NCAPD3: variants seen among roughly 807,000 people sequenced by gnomAD.
NCAPD3 encodes condensin-2 complex subunit D3.
Under a neutral mutation model 182.9 loss-of-function variants are expected in NCAPD3, and 105 were observed. The observed-to-expected ratio is 0.57, with a 90% CI of 0.49 to 0.68. The LOEUF is 0.68. Ranked by LOEUF, NCAPD3 falls within the 30% of genes least tolerant of loss-of-function variation. The probability of loss-of-function intolerance (pLI) is 0.00; values close to 1 mark genes in which losing one functional copy is unlikely to be tolerated. For missense variants in NCAPD3, 1,944 were observed against 1,837.0 expected (o/e 1.06, Z -1.07); for synonymous variants, 815 against 679.9 (o/e 1.20, Z -3.09).
chr11:134,211,890 G>A (rs1937846763), intron 3 of NCAPD3, among the ~76,000 whole-genome samples: 1 of 152,074 alleles, frequency 6.6e-6, no homozygotes, highest in African/African-American at 2.4e-5. Flanking sequence ...GTCTAACACA[G>A]GAGTGACTGA....
At chr11:134,159,638 A>G (rs749225711) in intron 29 of NCAPD3, among the ~76,000 whole-genome samples, 46 of 152,164 alleles carry the variant, frequency 3.0e-4, no homozygotes, top group Admixed American at 1.8e-3. Flanking sequence ...CAGACCTAGG[A>G]TCTATAGTCA....
At chr11:134,153,227 C>G (rs780668674) in intron 33 of NCAPD3, 27 bp from the exon 34 acceptor site, 1 of 1,613,990 alleles carries the variant, frequency 6.2e-7, no homozygotes, top group South Asian at 1.1e-5. Flanking sequence ...CAAACACATT[C>G]AGCTTTCCCA....
At chr11:134,165,116 C>G (rs1486552623) in intron 27 of NCAPD3, among the ~76,000 whole-genome samples, 2 of 151,220 alleles carry the variant, frequency 1.3e-5, no homozygotes, top group Non-Finnish European at 2.9e-5. Flanking sequence ...TGCACACTCA[C>G]TTGTGAGATG....
intron 24 of NCAPD3, among the ~76,000 whole-genome samples, chr11:134,170,506 G>A (rs1314909826): frequency 1.3e-5 from 2 of 152,208 alleles, no homozygotes; most frequent in East Asian, 3.8e-4. Flanking sequence ...AATCTACTAT[G>A]GCATGGCAGT....
intron 31 of NCAPD3, 107 bp downstream of exon 31, chr11:134,157,821 T>A: frequency 8.0e-7 from 1 of 1,251,266 alleles, no homozygotes; most frequent in Non-Finnish European, 1.1e-6. Context: ...ACGTTATTTG[T>A]TTTAAAGATA....
At chr11:134,209,727 C>T (rs550998144) in intron 4 of NCAPD3, 6 of 408,396 alleles carry the variant, frequency 1.5e-5, no homozygotes, top group Non-Finnish European at 2.6e-5. Flanking sequence ...AGAATTTTTG[C>T]TGTCTATGAA....
chr11:134,213,506 C>T (rs761638774), intron 3 of NCAPD3, among the ~76,000 whole-genome samples: 10 of 151,534 alleles, frequency 6.6e-5, no homozygotes, highest in Non-Finnish European at 1.0e-4. Context: ...TTAGTAGAGA[C>T]GGGGTTTCAC....
intron 23 of NCAPD3, 33 bp from the exon 24 acceptor site, chr11:134,176,419 G>A: frequency 6.3e-7 from 1 of 1,582,096 alleles, no homozygotes; most frequent in Non-Finnish European, 8.7e-7. Context: ...GTTTCAGAGT[G>A]CGTCATCATG....
upstream of NCAPD3, chr11:134,224,023 A>G (rs1938353455): frequency 6.9e-7 from 1 of 1,450,778 alleles, no homozygotes. Flanking sequence ...CACAACGTAC[A>G]GAATTTCCCA....
chr11:134,218,168 T>C (rs1938100484), intron 2 of NCAPD3, among the ~76,000 whole-genome samples: 1 of 145,780 alleles, frequency 6.9e-6, no homozygotes, highest in Admixed American at 6.9e-5. Flanking sequence ...TCATTCCTAA[T>C]GCCACCTGCA....
intron 19 of NCAPD3, among the ~76,000 whole-genome samples, chr11:134,182,672 C>T (rs916969132): frequency 6.6e-6 from 1 of 152,222 alleles, no homozygotes. Context: ...TCTACTGATA[C>T]AAGATCTCAT....
intron 1 of NCAPD3, chr11:134,223,425 T>A: frequency 2.8e-6 from 2 of 702,448 alleles, no homozygotes; most frequent in Non-Finnish European, 5.2e-6. Flanking sequence ...GCTTTGGGAA[T>A]CCCATTTTCA....
rs866703774 is a variant in NCAPD3, at chr11:134,167,461, C to G, written c.3573+535G>C. 1.3e-3 allele frequency among the ~76,000 whole-genome samples: 102 copies of G among 76,294 alleles called. 2 individuals are homozygous for G. The highest frequency in any genetic ancestry group is 1.3e-3 in the Non-Finnish European group (50 of 38,752). The allele number at this position is 76,294 out of a possible 152,430, so 50.1% of individuals were successfully genotyped here. A position where few individuals can be genotyped will look rare whatever the true frequency, so the allele number is the denominator to read the frequency against. The stretch of plus-strand genomic sequence containing the variant: ...ACTCGTGAGAGGAGCTTAGGGGAGG[C>G]GCACACTCACTTGTGAGATGAGCTT... On this transcript the variant is annotated intron_variant, in intron 27 of 34. Coordinates refer to ENST00000534548, the MANE Select transcript of NCAPD3 (RefSeq NM_015261.3).
chr11:134,176,428 T>A, intron 23 of NCAPD3, 42 bp from the exon 24 acceptor site: 3 of 1,558,508 alleles, frequency 1.9e-6, no homozygotes, highest in Non-Finnish European at 1.8e-6. Context: ...TGCGTCATCA[T>A]GGGCAAGCCT....
At position 134,152,888 on chromosome 11, in the gene NCAPD3, A is replaced by G. The variant is rs1943295153; in HGVS notation, c.*56T>C. 4 of 1,367,284 alleles carry G rather than the reference A, an allele frequency of 2.9e-6. No individual in the cohort carries two copies. In the South Asian group the frequency reaches 4.2e-5, roughly 14 times the overall value. 84.7% of individuals were successfully genotyped at this position (1,367,284 alleles called of 1,614,324 possible). On this transcript the variant is annotated 3_prime_UTR_variant, in exon 35 of 35. Transcript: ENST00000534548. ...ATCCAGCTGCCTTCACACGGAGGAC[A>G]CGAGACTGCTTCCTCAAGGGCTCCT...
rs765588158 is a variant in NCAPD3 at position 134,161,791 on chromosome 11, T to C, written c.3674A>G (p.His1225Arg). Residue 1225 changes from histidine to arginine, a missense_variant, in exon 28 of 35, where the codon CAC becomes CGC. Around this residue, in one of 3 missense-constraint regions of NCAPD3, gnomAD observed 1,803 missense variants for 1,674.6 expected, o/e 1.08. Coordinates refer to ENST00000534548, the MANE Select transcript of NCAPD3 (RefSeq NM_015261.3). ...NKIPALRELM[H>R]YLREVMQDYR... ...AGGCTCCACCCTTACCCTGAGATAG[T>C]GCATGAGTTCCCGCAAAGCTGGGAT... 3 of 1,559,294 alleles carry C rather than the reference T, an allele frequency of 1.9e-6. No homozygotes were observed. The highest frequency in any genetic ancestry group is 1.8e-6 in the Non-Finnish European group (2 of 1,133,768).
intron 3 of NCAPD3, among the ~76,000 whole-genome samples, chr11:134,216,621 TGAG>T (rs1440207936): frequency 6.6e-6 from 1 of 152,142 alleles, no homozygotes; most frequent in Non-Finnish European, 1.5e-5. Context: ...CAAGGAATCA[TGAG>T]AAGAAAGGGC....
Position 134,176,226 on chromosome 11 carries a change from C to G in NCAPD3, c.3101+81G>C, listed in dbSNP as rs1944160450. 5.3e-6 allele frequency: 7 copies of G among 1,325,492 alleles called. No homozygotes were observed. The South Asian group carries it at 7.5e-5, about 14-fold the overall frequency. 82.1% of individuals were successfully genotyped at this position (1,325,492 alleles called of 1,614,324 possible). On this transcript the variant is annotated intron_variant, in intron 24 of 34. Coordinates refer to ENST00000534548, the MANE Select transcript of NCAPD3 (RefSeq NM_015261.3). ...CACTAAATCCTACTTAACTCTAAACCAATCTGAAAAAAAAAGAAATCCAGC... is the reference window on the plus strand; with the variant it reads ...CACTAAATCCTACTTAACTCTAAACGAATCTGAAAAAAAAAGAAATCCAGC...
At position 134,153,051 on chromosome 11, in the gene NCAPD3, G is replaced by T; in HGVS notation, c.4390C>A (p.Pro1464Thr). 1 of 1,605,230 alleles carries T rather than the reference G, an allele frequency of 6.2e-7. No individual in the cohort carries two copies. The highest frequency in any genetic ancestry group is 2.2e-5 in the East Asian group (1 of 44,688). The change falls in exon 35 of 35, where the codon CCC becomes ACC. Residue 1464 changes from proline to threonine, a missense_variant and splice_region_variant. Physicochemically the swap from Pro to Thr is conservative, Grantham distance 38. Around this residue, in one of 3 missense-constraint regions of NCAPD3, gnomAD observed 1,803 missense variants for 1,674.6 expected, o/e 1.08. Transcript: ENST00000534548. ...ACATTCCACTGCTGAGGCTGTGGGG[G>T]CCTAGGGAAAGGACATGTGCAGTCA... The part of the protein sequence containing the change: ...ILCLSLPDKP[P>T]PQPQQWNVRS...
Sources: allele counts gnomAD v4.1 joint callset (sites outside exome capture counted in the v4.1 genomes callset), GRCh38; gene constraint gnomAD v4.1.1; regional missense constraint gnomAD v4.1.1; transcripts MANE v1.5; gene names NCBI Gene and HGNC (gene_info 2026-07-23, HGNC 2026-07-21).